RSPH4A: variants seen among roughly 807,000 people sequenced by gnomAD.
The protein encoded by RSPH4A is radial spoke head component 4A.
RSPH4A carries 47 observed loss-of-function variants against 71.0 expected under a neutral mutation model. That is an observed-to-expected ratio of 0.66 (90% CI 0.52 to 0.84). The LOEUF (loss-of-function observed/expected upper bound fraction) is 0.84. Among genes scored for constraint, RSPH4A ranks in the 40% least tolerant of loss-of-function variants. The pLI, the probability that RSPH4A is intolerant of heterozygous loss-of-function variation, is 0.00. For missense variants in RSPH4A, 793 were observed against 855.2 expected, an observed-to-expected ratio of 0.93 and a Z score of 0.91; for synonymous variants, 282 against 302.3, an observed-to-expected ratio of 0.93 and a Z score of 0.70.
At chr6:116,623,907 A>G (rs1171589823) in intron 2 of RSPH4A, among the ~76,000 whole-genome samples, 1 of 152,222 alleles carries the variant, frequency 6.6e-6, no homozygotes, top group African/African-American at 2.4e-5. Flanking sequence ...ACAGAGATTG[A>G]AAAAAGCTAT....
At chr6:116,631,040 A>C (rs944088155) in intron 5 of RSPH4A, among the ~76,000 whole-genome samples, 1 of 151,712 alleles carries the variant, frequency 6.6e-6, no homozygotes, top group Non-Finnish European at 1.5e-5. Flanking sequence ...TGTGGCATAA[A>C]ATTTATTAAA....
intron 2 of RSPH4A, 102 bp downstream of exon 2, chr6:116,623,104 T>TGTTTC: frequency 2.8e-6 from 2 of 710,628 alleles, no homozygotes; most frequent in Non-Finnish European, 4.9e-6. Context: ...TAGCTTGTTT[T>TGTTTC]GTTTTGTTTT....
rs1287458519 is a variant in RSPH4A, at chr6:116,632,265, C to T, written c.1975C>T (p.Pro659Ser). Reference sequence around the variant, plus strand: ...TAAGTATAGTCCAGACAATTATACACCCCCAGTTCCACCACCAGTTTATCA... The same window carrying T: ...TAAGTATAGTCCAGACAATTATACATCCCCAGTTCCACCACCAGTTTATCA... Reference protein sequence around the residue: ...GHKYSPDNYTPPVPPPVYQEY... With the variant: ...GHKYSPDNYTSPVPPPVYQEY... Residue 659 changes from proline to serine, a missense_variant, in exon 6 of 6, where the codon CCC (proline) becomes TCC (serine). Physicochemically the swap from Pro to Ser is moderately conservative, Grantham distance 74 (BLOSUM62 -1). Transcript: ENST00000229554. 1.2e-6 allele frequency: 2 copies of T among 1,612,142 alleles called. No homozygotes were observed. The highest frequency in any genetic ancestry group is 2.2e-5 in the East Asian group (1 of 44,876).
intron 3 of RSPH4A, 110 bp from the exon 4 acceptor site, chr6:116,629,457 A>G (rs1336476184): frequency 1.1e-5 from 12 of 1,117,276 alleles, no homozygotes; most frequent in Non-Finnish European, 1.6e-5. Context: ...ATGAATGAAT[A>G]ATTGATTAAA....
Position 116,617,095 on chromosome 6 carries a change from C to T in RSPH4A, c.472C>T (p.Pro158Ser), listed in dbSNP as rs1186584074. Residue 158 changes from proline to serine, a missense_variant, in exon 1 of 6, where the codon CCC (proline) becomes TCC (serine). By Grantham distance (74) the Pro-to-Ser change is moderately conservative. Transcript: ENST00000229554. ...NTFQQSQQPK[P>S]HLCGRRDVSY... ...CTTTCAACAGTCTCAGCAACCCAAA[C>T]CCCACCTGTGTGGACGAAGGGACGT... 3 of 1,614,192 alleles carry T rather than the reference C, an allele frequency of 1.9e-6. No homozygotes were observed. In the East Asian group the frequency reaches 6.7e-5, roughly 36 times the overall value.
At chr6:116,625,924 CAGAGTT>C (rs758429818) in intron 2 of RSPH4A, among the ~76,000 whole-genome samples, 12 of 152,154 alleles carry the variant, frequency 7.9e-5, no homozygotes, top group Non-Finnish European at 1.5e-4. Context: ...GGAGAAAAGT[CAGAGTT>C]AGAGAAACTT....
rs1398453218 is a variant in RSPH4A, at chr6:116,616,829, C to G, written c.206C>G (p.Thr69Arg). Residue 69 changes from threonine (T) to arginine (R), a missense_variant, in exon 1 of 6, where the codon ACG becomes AGG. Thr to Arg is a moderately conservative substitution (Grantham distance 71). Coordinates refer to ENST00000229554, the MANE Select transcript of RSPH4A (RefSeq NM_001010892.3). ...RPWSPQSRAK[T>R]PLGGPAGPET... is the part of the protein sequence containing the mutation. ...TGGAGCCCGCAGTCTAGAGCCAAGA[C>G]GCCTCTGGGTGGCCCCGCGGGACCA... 1.2e-6 allele frequency: 2 copies of G among 1,614,118 alleles called. No homozygotes were observed. Among genetic ancestry groups the G allele is most frequent in the East Asian group, 2.2e-5 (1 of 44,864 alleles).
In RSPH4A at chr6:116,632,402, A is replaced by C. The variant is rs760918788; in HGVS notation, c.2112A>C (p.Glu704Asp). The change falls in exon 6 of 6, where the codon GAA (glutamate) becomes GAC (aspartate). Residue 704 changes from glutamate (E) to aspartate (D), a missense_variant. Coordinates refer to ENST00000229554, the MANE Select transcript of RSPH4A (RefSeq NM_001010892.3). ...EAVLLAAENE[E>D]SEEDEDEEDD... Reference sequence around the variant, plus strand: ...TTCTACTCGCAGCTGAGAATGAAGAATCTGAGGAAGATGAAGATGAGGAAG... The same window carrying C: ...TTCTACTCGCAGCTGAGAATGAAGACTCTGAGGAAGATGAAGATGAGGAAG... 3 of 1,613,872 alleles carry C rather than the reference A, an allele frequency of 1.9e-6. No individual in the cohort carries two copies. Among genetic ancestry groups the C allele is most frequent in the Non-Finnish European group, 8.5e-7 (1 of 1,179,958 alleles).
chr6:116,628,440 CAA>C, intron 3 of RSPH4A, 71 bp downstream of exon 3: 1 of 1,199,642 alleles, frequency 8.3e-7, no homozygotes, highest in Middle Eastern at 1.9e-4. Context: ...CTATAATGCA[CAA>C]AGACATACAA....
At chr6:116,629,472 C>T in intron 3 of RSPH4A, 95 bp from the exon 4 acceptor site, 1 of 1,235,340 alleles carries the variant, frequency 8.1e-7, no homozygotes, top group South Asian at 1.2e-5. Flanking sequence ...ATTAAATTCC[C>T]ACAGAGTTAC....
At chr6:116,630,389 T>C (rs749715844) in intron 4 of RSPH4A, 46 bp from the exon 5 acceptor site, 1 of 968,738 alleles carries the variant, frequency 1.0e-6, no homozygotes, top group Admixed American at 1.7e-5. Context: ...CAGTAGATTC[T>C]TGTCTAGTTA....
intron 1 of RSPH4A, among the ~76,000 whole-genome samples, chr6:116,620,362 CT>C (rs1423337019): frequency 8.5e-5 from 13 of 152,066 alleles, no homozygotes; most frequent in Non-Finnish European, 1.2e-4. Context: ...CCTCTAAGTA[CT>C]TTAGTGCCTA....
At chr6:116,619,383 AC>A (rs2115353479) in intron 1 of RSPH4A, among the ~76,000 whole-genome samples, 1 of 152,284 alleles carries the variant, frequency 6.6e-6, no homozygotes, top group South Asian at 2.1e-4. Context: ...TTATGGCCAG[AC>A]ATGGAGAAAC....
At chr6:116,619,425 T>A (rs903809306) in intron 1 of RSPH4A, among the ~76,000 whole-genome samples, 1 of 152,192 alleles carries the variant, frequency 6.6e-6, no homozygotes, top group Non-Finnish European at 1.5e-5. Flanking sequence ...AAGGCCTATC[T>A]TGGGGATAAA....
Position 116,627,650 on chromosome 6 carries a change from G to C in RSPH4A, c.943G>C (p.Val315Leu). The change falls in exon 3 of 6, where the codon GTA becomes CTA. Residue 315 changes from valine (V) to leucine (L), a missense_variant. By Grantham distance (32) the Val-to-Leu change is conservative. Coordinates refer to ENST00000229554, the MANE Select transcript of RSPH4A (RefSeq NM_001010892.3). ...CCAGGCAGAAAACGCTCTTCCAAATGTAATGGAGTCAGCTTTTTATTTTGA... is the reference window on the plus strand; with the variant it reads ...CCAGGCAGAAAACGCTCTTCCAAATCTAATGGAGTCAGCTTTTTATTTTGA... ...DEIAENALPNVMESAFYFEQA... is the reference protein window; with the variant it reads ...DEIAENALPNLMESAFYFEQA... 6.2e-7 allele frequency: 1 copy of C among 1,614,140 alleles called. No individual in the cohort carries two copies. The highest frequency in any genetic ancestry group is 8.5e-7 in the Non-Finnish European group (1 of 1,179,972).
In RSPH4A at chr6:116,616,611, T is replaced by A. The variant is rs567530388; in HGVS notation, c.-13T>A. The A allele has an allele frequency of 8.0e-4, 1,278 of 1,605,164 alleles. 9 individuals are homozygous for A. In the African/African-American group the frequency reaches 0.015, roughly 19 times the overall value. The stretch of plus-strand genomic sequence containing the variant: ...CCTTTCATCCAGAACATTTTTTTTC[T>A]TGAACTGCTTCCATGGAGGACTCAA... On this transcript the variant is annotated 5_prime_UTR_variant, in exon 1 of 6. It adds an upstream start codon to the 5' untranslated region. Transcript: ENST00000229554.
Position 116,617,035 on chromosome 6 carries a change from A to G in RSPH4A, c.412A>G (p.Thr138Ala). Residue 138 changes from threonine (T) to alanine (A), a missense_variant, in exon 1 of 6, where the codon ACT (threonine) becomes GCT (alanine). By Grantham distance (58) the Thr-to-Ala change is moderately conservative. Transcript: ENST00000229554. ...ACAATCATCTGATAAAAGAGAATCA[A>G]CTCCTCATCACACAAGCCAGTCAGA... ...LEQSSDKRES[T>A]PHHTSQSEGN... is the part of the protein sequence containing the mutation. The G allele has an allele frequency of 6.2e-7, 1 of 1,614,072 alleles. No homozygotes were observed. The highest frequency in any genetic ancestry group is 8.5e-7 in the Non-Finnish European group (1 of 1,180,012).
Position 116,628,316 on chromosome 6 carries a change from C to G in RSPH4A, c.1609C>G (p.Leu537Val), listed in dbSNP as rs754991928. ...TTTTGAAGGCATCCAAGTGATTGAT[C>G]TAGTAGAATCCCTATCCAATTGGGT... ...PDFEGIQVID[L>V]VESLSNWVHH... is the part of the protein sequence containing the mutation. The change falls in exon 3 of 6, where the codon CTA becomes GTA. Residue 537 changes from leucine (L) to valine (V), a missense_variant. Leu to Val is a conservative substitution (Grantham distance 32, BLOSUM62 1). Coordinates refer to ENST00000229554, the MANE Select transcript of RSPH4A (RefSeq NM_001010892.3). The G allele has an allele frequency of 2.5e-6, 4 of 1,612,460 alleles. No individual in the cohort carries two copies. The highest frequency in any genetic ancestry group is 3.3e-5 in the Admixed American group (2 of 59,704).
Position 116,632,375 on chromosome 6 carries a change from AG to A in RSPH4A, c.2086del (p.Val696PhefsTer43). 1.9e-6 allele frequency: 3 copies of A among 1,614,118 alleles called. No individual in the cohort carries two copies. In the East Asian group the frequency reaches 6.7e-5, roughly 36 times the overall value. On this transcript the variant is annotated frameshift_variant, in exon 6 of 6. Transcript: ENST00000229554. LOFTEE classifies it high-confidence loss of function. ...AGGCTTTCAGGGCTGCACAAGAAGCAGTTCTACTCGCAGCTGAGAATGAAGA... is the reference window on the plus strand; with the variant it reads ...AGGCTTTCAGGGCTGCACAAGAAGCATTCTACTCGCAGCTGAGAATGAAGA... The part of the protein sequence containing the change: ...EQAFRAAQEA[V>X]LLAAENEESE...
Sources: gnomAD v4.1 joint callset for allele counts (sites outside exome capture counted in the v4.1 genomes callset) on GRCh38, gnomAD v4.1.1 for gene constraint, MANE v1.5 for transcripts, NCBI Gene and HGNC (gene_info 2026-07-23, HGNC 2026-07-21) for gene names.